The following SNTG1 variants were observed in gnomAD, a reference collection of about 807,000 sequenced individuals.
SNTG1 encodes the protein syntrophin gamma 1, also known as gamma-1-syntrophin.
SNTG1 carries 39 observed loss-of-function variants against 74.7 expected under a neutral mutation model. That is an observed-to-expected ratio of 0.52 (90% CI 0.40 to 0.68). SNTG1 has a LOEUF of 0.68. SNTG1 is among the 30% of genes least tolerant of loss of function. The probability of loss-of-function intolerance (pLI) is 0.00; values close to 1 mark genes in which losing one functional copy is unlikely to be tolerated. For missense variants in SNTG1, 685 were observed against 609.5 expected, an observed-to-expected ratio of 1.12 and a Z score of -1.30; for synonymous variants, 254 against 217.1, an observed-to-expected ratio of 1.17 and a Z score of -1.49.
chr8:50,296,808 A>G (rs1380854633), intron 2 of SNTG1, among the ~76,000 whole-genome samples: 1 of 151,576 alleles, frequency 6.6e-6, no homozygotes, highest in East Asian at 1.9e-4. Context: ...AAAGAGAAAG[A>G]AAAAGCAAAA....
At chr8:49,925,126 CT>C (rs1806904537) in intron 1 of SNTG1, among the ~76,000 whole-genome samples, 6 of 152,042 alleles carry the variant, frequency 3.9e-5, no homozygotes, top group Admixed American at 3.9e-4. Context: ...GCATTCCAGT[CT>C]AAGCAACAGA....
chr8:49,965,001 C>A (rs1214027946), intron 1 of SNTG1, among the ~76,000 whole-genome samples: 1 of 152,122 alleles, frequency 6.6e-6, no homozygotes, highest in Non-Finnish European at 1.5e-5. Flanking sequence ...AAATTAATGG[C>A]ATACCGAACA....
At chr8:50,336,244 C>T (rs1433242612) in intron 2 of SNTG1, among the ~76,000 whole-genome samples, 1 of 152,204 alleles carries the variant, frequency 6.6e-6, no homozygotes, top group African/African-American at 2.4e-5. Context: ...TTCTCTTCAT[C>T]CTGTAGACTC....
intron 13 of SNTG1, among the ~76,000 whole-genome samples, chr8:50,648,841 C>T (rs1184135508): frequency 6.6e-6 from 1 of 152,136 alleles, no homozygotes; most frequent in Non-Finnish European, 1.5e-5. Flanking sequence ...AACTGACTTT[C>T]TCTCCTCTCA....
intron 2 of SNTG1, among the ~76,000 whole-genome samples, chr8:50,272,824 AC>A (rs1293218950): frequency 6.6e-6 from 1 of 151,428 alleles, no homozygotes; most frequent in Non-Finnish European, 1.5e-5. Context: ...GTAACCTCAA[AC>A]TCCTGGGATT....
Position 50,100,182 on chromosome 8 carries a change from G to A in SNTG1, c.-102-72379G>A, listed in dbSNP as rs192535967. On this transcript the variant is annotated intron_variant, in intron 1 of 18. Transcript: ENST00000642720. The stretch of plus-strand genomic sequence containing the variant: ...AGGAAAAGAAAAGTTAATACCACAT[G>A]TTCTCACTCATATGCAGAAGCTAAA... Among the ~76,000 whole-genome samples the A allele has an allele frequency of 8.5e-5, 13 of 152,110 alleles. No individual in the cohort carries two copies. In the East Asian group the frequency reaches 2.5e-3, roughly 29 times the overall value.
intron 2 of SNTG1, among the ~76,000 whole-genome samples, chr8:50,306,793 T>C (rs1295117469): frequency 2.0e-5 from 3 of 152,054 alleles, no homozygotes; most frequent in Admixed American, 1.3e-4. Flanking sequence ...TAGTCCTTTG[T>C]TGGATGCATA....
At chr8:49,968,274 A>T (rs1811333604) in intron 1 of SNTG1, among the ~76,000 whole-genome samples, 2 of 152,128 alleles carry the variant, frequency 1.3e-5, no homozygotes, top group African/African-American at 4.8e-5. Context: ...TACTTACCAA[A>T]ACACAATATA....
intron 1 of SNTG1, among the ~76,000 whole-genome samples, chr8:50,040,942 G>T (rs933224524): frequency 2.0e-5 from 3 of 152,020 alleles, no homozygotes; most frequent in Admixed American, 1.3e-4. Flanking sequence ...TGTTACCCAG[G>T]CTGGAGTGTA....
At chr8:50,755,058 C>T (rs2095576896) in intron 18 of SNTG1, among the ~76,000 whole-genome samples, 1 of 151,754 alleles carries the variant, frequency 6.6e-6, no homozygotes, top group Admixed American at 6.6e-5. Flanking sequence ...AGTCAACATC[C>T]CCCACCAGAG....
At chr8:50,481,173 G>A (rs1296604620) in intron 8 of SNTG1, among the ~76,000 whole-genome samples, 1 of 152,170 alleles carries the variant, frequency 6.6e-6, no homozygotes, top group Non-Finnish European at 1.5e-5. Context: ...ATGAGGTCAG[G>A]AGATTGAGAC....
chr8:50,486,434 G>T (rs1270398018), intron 8 of SNTG1, among the ~76,000 whole-genome samples: 1 of 132,904 alleles, frequency 7.5e-6, no homozygotes, highest in Non-Finnish European at 1.6e-5. Flanking sequence ...GTTCACTCAT[G>T]ATTTGGCTCT....
At chr8:50,542,413 T>A (rs1341311597) in intron 11 of SNTG1, among the ~76,000 whole-genome samples, 2 of 152,058 alleles carry the variant, frequency 1.3e-5, no homozygotes, top group Non-Finnish European at 2.9e-5. Flanking sequence ...CGCCTCGGCC[T>A]CCTAAAGTGT....
At chr8:50,513,408 C>A (rs1050418092) in intron 9 of SNTG1, among the ~76,000 whole-genome samples, 1 of 152,238 alleles carries the variant, frequency 6.6e-6, no homozygotes, top group African/African-American at 2.4e-5. Flanking sequence ...AGATCTCCAG[C>A]TGTGTGCTTG....
intron 2 of SNTG1, among the ~76,000 whole-genome samples, chr8:50,341,950 G>C (rs1283928062): frequency 1.3e-5 from 2 of 151,954 alleles, no homozygotes; most frequent in African/African-American, 2.4e-5. Flanking sequence ...TTGTATGATT[G>C]CCTATTTCCA....
intron 1 of SNTG1, among the ~76,000 whole-genome samples, chr8:50,109,076 A>G (rs1223450974): frequency 6.6e-6 from 1 of 152,164 alleles, no homozygotes; most frequent in Non-Finnish European, 1.5e-5. Flanking sequence ...GGGCACCACC[A>G]TTTCCATTGA....
At chr8:50,626,095 T>C (rs1296855632) in intron 13 of SNTG1, among the ~76,000 whole-genome samples, 1 of 152,214 alleles carries the variant, frequency 6.6e-6, no homozygotes, top group African/African-American at 2.4e-5. Flanking sequence ...TATGCTTTTT[T>C]GTAATATTCT....
intron 13 of SNTG1, among the ~76,000 whole-genome samples, chr8:50,638,639 G>A (rs2095053940): frequency 6.6e-6 from 1 of 152,012 alleles, no homozygotes. Flanking sequence ...TTACTTTTGA[G>A]GTTTTAAGGT....
At chr8:50,029,209 C>T (rs1304352189) in intron 1 of SNTG1, among the ~76,000 whole-genome samples, 1 of 151,856 alleles carries the variant, frequency 6.6e-6, no homozygotes, top group Non-Finnish European at 1.5e-5. Context: ...TTATTATAGG[C>T]TCATAATAGG....
Sources: gnomAD v4.1 joint callset for allele counts (sites outside exome capture counted in the v4.1 genomes callset) on GRCh38, gnomAD v4.1.1 for gene constraint, MANE v1.5 for transcripts, NCBI Gene and HGNC (gene_info 2026-07-23, HGNC 2026-07-21) for gene names.